PMFBP1: variants seen among roughly 807,000 people sequenced by gnomAD.
The protein encoded by PMFBP1 is polyamine-modulated factor 1-binding protein 1.
In PMFBP1, 131 loss-of-function variants were observed where a neutral mutation model predicts 137.8. The observed-to-expected ratio is 0.95, with a 90% CI of 0.82 to 1.10. The LOEUF is 1.10. Among genes scored for constraint, PMFBP1 ranks in the 50% least tolerant of loss-of-function variants. The pLI is 0.00. For synonymous variants in PMFBP1, 490 were observed against 450.4 expected (o/e 1.09, Z -1.11); for missense variants, 1,199 against 1,175.4 (o/e 1.02, Z -0.29).
At chr16:72,168,555 C>G (rs892729494) in intron 2 of PMFBP1, among the ~76,000 whole-genome samples, 1 of 152,210 alleles carries the variant, frequency 6.6e-6, no homozygotes, top group Non-Finnish European at 1.5e-5. Flanking sequence ...GTAACCATTA[C>G]TGGGGCATGA....
At chr16:72,133,495 T>A (rs936855910) in intron 9 of PMFBP1, among the ~76,000 whole-genome samples, 2 of 152,054 alleles carry the variant, frequency 1.3e-5, no homozygotes, top group African/African-American at 4.8e-5. Flanking sequence ...TATCTTAGTT[T>A]AGTTTTACTT....
At chr16:72,123,232 G>A (rs2042403070) in intron 18 of PMFBP1, among the ~76,000 whole-genome samples, 1 of 152,202 alleles carries the variant, frequency 6.6e-6, no homozygotes, top group Non-Finnish European at 1.5e-5. Context: ...TGAGTTCAAG[G>A]GGGCCAGGCA....
At position 72,125,991 on chromosome 16, in the gene PMFBP1, C is replaced by T. The variant is rs1192835715; in HGVS notation, c.2230G>A (p.Asp744Asn). 6.2e-7 allele frequency: 1 copy of T among 1,614,130 alleles called. No homozygotes were observed. Among genetic ancestry groups the T allele is most frequent in the African/African-American group, 1.3e-5 (1 of 75,048 alleles). Residue 744 changes from aspartate (D) to asparagine (N), a missense_variant, in exon 15 of 21, where the codon GAC (aspartate) becomes AAC (asparagine). Transcript: ENST00000237353. ...ACCTTCTCGAGGGCTTGTGTCAGGT[C>T]ATCCTGGCAGGCGGCTGACTTCCGG... is the stretch of plus-strand genomic sequence containing the variant. ...LSRKSAACQD[D>N]LTQALEKLNH...
the PMFBP1 span, among the ~76,000 whole-genome samples, chr16:72,212,127 G>T: frequency 6.6e-6 from 1 of 151,926 alleles, no homozygotes; most frequent in African/African-American, 2.4e-5. Context: ...AAGCAGGATG[G>T]AAGCCAGAGT....
chr16:72,196,672 G>C, the PMFBP1 span, among the ~76,000 whole-genome samples: 1 of 152,216 alleles, frequency 6.6e-6, no homozygotes, highest in East Asian at 1.9e-4. Flanking sequence ...GTTGCATAGA[G>C]AATACATTCA....
At chr16:72,154,900 A>G (rs1172662557) in intron 3 of PMFBP1, among the ~76,000 whole-genome samples, 1 of 152,172 alleles carries the variant, frequency 6.6e-6, no homozygotes, top group Non-Finnish European at 1.5e-5. Flanking sequence ...TCAAGGGTGA[A>G]TTCTTGGGGA....
the PMFBP1 span, among the ~76,000 whole-genome samples, chr16:72,192,454 C>T: frequency 2.6e-5 from 4 of 152,046 alleles, no homozygotes; most frequent in African/African-American, 9.6e-5. Flanking sequence ...GTGTTAATTG[C>T]CTTTTTTTCT....
At chr16:72,216,839 AT>A in the PMFBP1 span, among the ~76,000 whole-genome samples, 1 of 152,124 alleles carries the variant, frequency 6.6e-6, no homozygotes, top group East Asian at 1.9e-4. Context: ...CTGACAGGGA[AT>A]TTGTAATTGC....
intron 7 of PMFBP1, among the ~76,000 whole-genome samples, chr16:72,138,219 C>T (rs2042662677): frequency 6.6e-6 from 1 of 152,132 alleles, no homozygotes; most frequent in African/African-American, 2.4e-5. Flanking sequence ...AATATTGATC[C>T]CTTGTTCAAC....
the PMFBP1 span, among the ~76,000 whole-genome samples, chr16:72,210,901 C>T: frequency 6.6e-6 from 1 of 152,086 alleles, no homozygotes; most frequent in Non-Finnish European, 1.5e-5. Flanking sequence ...ATCCAGTAGC[C>T]GACTCTTTTG....
rs1200754064 is a variant in PMFBP1, at chr16:72,150,673, T to C, written c.571A>G (p.Asn191Asp). ...YRDKYQSSLS[N>D]IELLECQVKM... is the part of the protein sequence containing the mutation. ...ACTTGGCATTCTAGTAACTCGATGTTGCTCAGGGAAGACTGGTATTTATCC... is the reference window on the plus strand; with the variant it reads ...ACTTGGCATTCTAGTAACTCGATGTCGCTCAGGGAAGACTGGTATTTATCC... Residue 191 changes from asparagine (N) to aspartate (D), a missense_variant, in exon 5 of 21, where the codon AAC becomes GAC. Asn to Asp is a conservative substitution (Grantham distance 23). Transcript: ENST00000237353. 2 of 1,614,018 alleles carry C rather than the reference T, an allele frequency of 1.2e-6. No homozygotes were observed. Among genetic ancestry groups the C allele is most frequent in the African/African-American group, 2.7e-5 (2 of 74,926 alleles).
upstream of PMFBP1, among the ~76,000 whole-genome samples, chr16:72,174,638 G>C (rs183856424): frequency 1.3e-5 from 2 of 152,350 alleles, no homozygotes; most frequent in East Asian, 3.9e-4. Flanking sequence ...TCATAGTTCT[G>C]CATGGCTGGG....
At chr16:72,221,743 A>G in the PMFBP1 span, among the ~76,000 whole-genome samples, 9 of 152,252 alleles carry the variant, frequency 5.9e-5, no homozygotes, top group Admixed American at 5.2e-4. Context: ...ACATCTTAGT[A>G]AAGCTGGCAT....
the PMFBP1 span, among the ~76,000 whole-genome samples, chr16:72,210,142 C>G: frequency 6.6e-6 from 1 of 152,206 alleles, no homozygotes; most frequent in Non-Finnish European, 1.5e-5. Context: ...CCTCCTGGGA[C>G]TCTGACGGAT....
chr16:72,135,751 T>G (rs1352253781), intron 9 of PMFBP1, among the ~76,000 whole-genome samples: 1 of 139,406 alleles, frequency 7.2e-6, no homozygotes, highest in Admixed American at 7.1e-5. Context: ...TTTTTTTTTT[T>G]TTTTTTTTTT....
chr16:72,147,816 A>G (rs188201068), intron 5 of PMFBP1, among the ~76,000 whole-genome samples: 3 of 152,354 alleles, frequency 2.0e-5, no homozygotes, highest in Admixed American at 2.0e-4. Flanking sequence ...CAAAACCACA[A>G]TGAGATACCA....
chr16:72,117,603 CTTTT>C (rs1288752742), downstream of PMFBP1, among the ~76,000 whole-genome samples: 4 of 152,214 alleles, frequency 2.6e-5, no homozygotes, highest in East Asian at 3.9e-4. Flanking sequence ...AGAGGAAAAG[CTTTT>C]AGTCTTTCAC....
At chr16:72,141,034 A>G (rs556681268) in intron 5 of PMFBP1, among the ~76,000 whole-genome samples, 3 of 141,726 alleles carry the variant, frequency 2.1e-5, no homozygotes, top group African/African-American at 8.2e-5. Context: ...TTCCAGGTTC[A>G]AGCGATTCTC....
intron 3 of PMFBP1, among the ~76,000 whole-genome samples, chr16:72,163,210 T>C (rs1426367813): frequency 6.6e-6 from 1 of 152,138 alleles, no homozygotes; most frequent in East Asian, 1.9e-4. Context: ...CGAGAACTCA[T>C]GTCACTAAAT....
Sources: gnomAD v4.1 joint callset for allele counts (sites outside exome capture counted in the v4.1 genomes callset) on GRCh38, gnomAD v4.1.1 for gene constraint, MANE v1.5 for transcripts, NCBI Gene and HGNC (gene_info 2026-07-23, HGNC 2026-07-21) for gene names.